Variants in EYA1 observed in about 807,000 individuals in gnomAD.
EYA1 encodes the protein EYA transcriptional coactivator and phosphatase 1.
Under a neutral mutation model 82.0 loss-of-function variants are expected in EYA1, and 16 were observed. The observed-to-expected ratio is 0.20, with a 90% CI of 0.13 to 0.30. The LOEUF (loss-of-function observed/expected upper bound fraction) is 0.30, where lower values mean the gene tolerates loss of function less well. Ranked by LOEUF, EYA1 falls within the 10% of genes least tolerant of loss-of-function variation. The pLI, the probability that EYA1 is intolerant of heterozygous loss-of-function variation, is 1.00. For synonymous variants in EYA1, 261 were observed against 264.4 expected (o/e 0.99, Z 0.12); for missense variants, 633 against 730.7 (o/e 0.87, Z 1.54).
chr8:71,255,191 C>A (rs936102940), intron 11 of EYA1, among the ~76,000 whole-genome samples: 1 of 152,118 alleles, frequency 6.6e-6, no homozygotes, highest in Non-Finnish European at 1.5e-5. Context: ...ATGTACAGAT[C>A]TAATGCAATC....
At chr8:71,335,836 C>G (rs1824422355) in intron 3 of EYA1, among the ~76,000 whole-genome samples, 1 of 152,040 alleles carries the variant, frequency 6.6e-6, no homozygotes, top group African/African-American at 2.4e-5. Flanking sequence ...TATAATGCCC[C>G]ATACACATAA....
chr8:71,299,014 C>T (rs781586885), intron 9 of EYA1, 33 bp downstream of exon 9: 3 of 1,592,658 alleles, frequency 1.9e-6, no homozygotes, highest in African/African-American at 1.3e-5. Flanking sequence ...TTGAAAATAT[C>T]ACCTGCAGGA....
At chr8:71,276,159 G>C (rs1328469145) in intron 9 of EYA1, among the ~76,000 whole-genome samples, 1 of 152,168 alleles carries the variant, frequency 6.6e-6, no homozygotes, top group Non-Finnish European at 1.5e-5. Context: ...TAACGTCATT[G>C]ATTACTTAGT....
chr8:71,499,579 A>G (rs1246815379), intron 2 of EYA1, among the ~76,000 whole-genome samples: 1 of 152,236 alleles, frequency 6.6e-6, no homozygotes, highest in Non-Finnish European at 1.5e-5. Context: ...CTAAGAGACC[A>G]GAGATTATTT....
chr8:71,242,403 T>C (rs1352606215), intron 12 of EYA1, among the ~76,000 whole-genome samples: 1 of 152,178 alleles, frequency 6.6e-6, no homozygotes, highest in African/African-American at 2.4e-5. Flanking sequence ...ATGATTGTTT[T>C]ATATATTTGG....
intron 2 of EYA1, among the ~76,000 whole-genome samples, chr8:71,477,671 T>C (rs1212903400): frequency 2.0e-5 from 3 of 152,092 alleles, no homozygotes; most frequent in Non-Finnish European, 4.4e-5. Flanking sequence ...TGGTCACTCC[T>C]GTAATATTTA....
intron 3 of EYA1, among the ~76,000 whole-genome samples, chr8:71,338,056 C>T (rs1301325213): frequency 6.6e-6 from 1 of 152,224 alleles, no homozygotes; most frequent in Non-Finnish European, 1.5e-5. Flanking sequence ...ACTATAGTGT[C>T]TCTTTACGAC....
At chr8:71,228,179 C>A (rs191923364) in intron 12 of EYA1, among the ~76,000 whole-genome samples, 1 of 152,136 alleles carries the variant, frequency 6.6e-6, no homozygotes. Context: ...CAGACCCTGG[C>A]GGCGAGGAGA....
chr8:71,336,395 G>A (rs1824488906), intron 3 of EYA1, among the ~76,000 whole-genome samples: 1 of 152,086 alleles, frequency 6.6e-6, no homozygotes, highest in Non-Finnish European at 1.5e-5. Context: ...AAGATGTGAA[G>A]AAAAAAATTG....
At chr8:71,330,196 T>C (rs1276504560) in intron 4 of EYA1, among the ~76,000 whole-genome samples, 1 of 152,176 alleles carries the variant, frequency 6.6e-6, no homozygotes, top group Non-Finnish European at 1.5e-5. Context: ...TTGGAGGGTC[T>C]GAACTGAAGA....
intron 4 of EYA1, among the ~76,000 whole-genome samples, chr8:71,328,154 C>G (rs1823389545): frequency 6.6e-6 from 1 of 152,118 alleles, no homozygotes. Context: ...TGCACCCAGC[C>G]AAGTTCATGT....
intron 2 of EYA1, among the ~76,000 whole-genome samples, chr8:71,501,708 G>A (rs1047992171): frequency 9.2e-5 from 14 of 152,180 alleles, no homozygotes; most frequent in African/African-American, 3.4e-4. Flanking sequence ...TCCTGCCTCG[G>A]CTACACAAAG....
chr8:71,382,489 T>A lies in EYA1; in HGVS notation c.34-25978A>T, dbSNP rs567249190. On this transcript the variant is annotated intron_variant, in intron 2 of 18. Transcript: ENST00000643681. Reference sequence around the variant, plus strand: ...AGGCATATTAAATTTAATTTTATATTCACTTCACATATATTTCAGCACACA... The same window carrying A: ...AGGCATATTAAATTTAATTTTATATACACTTCACATATATTTCAGCACACA... 2.4e-3 allele frequency among the ~76,000 whole-genome samples: 365 copies of A among 152,136 alleles called. 2 individuals are homozygous for A. Among genetic ancestry groups the A allele is most frequent in the Middle Eastern group, 0.014 (4 of 288 alleles).
At chr8:71,483,569 A>C (rs975104798) in intron 2 of EYA1, among the ~76,000 whole-genome samples, 3 of 151,432 alleles carry the variant, frequency 2.0e-5, no homozygotes, top group Non-Finnish European at 4.4e-5. Flanking sequence ...CAAAAAAAAA[A>C]CACCACATTT....
chr8:71,278,730 G>A (rs191694360), intron 9 of EYA1, among the ~76,000 whole-genome samples: 210 of 152,204 alleles, frequency 1.4e-3, no homozygotes, highest in African/African-American at 4.7e-3. Flanking sequence ...CTTGCTGCAC[G>A]ACATGAAGGC....
At chr8:71,261,817 G>A (rs914743052) in intron 11 of EYA1, among the ~76,000 whole-genome samples, 2 of 152,160 alleles carry the variant, frequency 1.3e-5, no homozygotes, top group South Asian at 2.1e-4. Flanking sequence ...AAATCCAGTC[G>A]AAAGACCTAT....
At chr8:71,236,390 T>C (rs535038561) in intron 12 of EYA1, among the ~76,000 whole-genome samples, 1 of 152,212 alleles carries the variant, frequency 6.6e-6, no homozygotes, top group Non-Finnish European at 1.5e-5. Flanking sequence ...ACATGTTGAA[T>C]AGGCTAGATT....
intron 2 of EYA1, among the ~76,000 whole-genome samples, chr8:71,465,473 A>G (rs1197436205): frequency 6.6e-6 from 1 of 152,062 alleles, no homozygotes; most frequent in Non-Finnish European, 1.5e-5. Context: ...AAATATAAAA[A>G]TTAGCCGGGT....
chr8:71,543,820 G>T lies in EYA1; in HGVS notation c.-73+4044C>A, dbSNP rs548223841. On this transcript the variant is annotated intron_variant, in intron 1 of 18. Transcript: ENST00000643681. ...AGATTCAATTGATATGTCAGTAATT[G>T]ATATGATCCCACAGCATTAATTTTT... Among the ~76,000 whole-genome samples the T allele has an allele frequency of 3.9e-5, 6 of 152,252 alleles. No individual in the cohort carries two copies. The East Asian group carries it at 1.2e-3, about 29-fold the overall frequency.
Sources: allele counts gnomAD v4.1 joint callset (sites outside exome capture counted in the v4.1 genomes callset), GRCh38; gene constraint gnomAD v4.1.1; transcripts MANE v1.5; gene names NCBI Gene and HGNC (gene_info 2026-07-23, HGNC 2026-07-21).